The following CHD6 variants were observed in gnomAD, a reference collection of about 807,000 sequenced individuals.
CHD6 encodes chromodomain helicase DNA binding protein 6.
In CHD6, 50 loss-of-function variants were observed where a neutral mutation model predicts 276.9. The ratio of observed to expected loss-of-function variants is 0.18; its 90% CI spans 0.14 to 0.23. CHD6 has a LOEUF of 0.23. CHD6 is among the 10% of genes least tolerant of loss of function. The pLI is 1.00. For synonymous variants in CHD6, 1,173 were observed against 1,229.3 expected, an observed-to-expected ratio of 0.95 and a Z score of 0.96; for missense variants, 2,564 against 3,365.8, an observed-to-expected ratio of 0.76 and a Z score of 5.89.
chr20:41,537,247 T>G (rs552713674), intron 2 of CHD6, among the ~76,000 whole-genome samples: 2 of 152,274 alleles, frequency 1.3e-5, no homozygotes, highest in South Asian at 4.1e-4. Flanking sequence ...ATCCATGGGT[T>G]CTGCATCTAT....
intron 23 of CHD6, among the ~76,000 whole-genome samples, chr20:41,449,044 G>A (rs2048157197): frequency 6.6e-6 from 1 of 151,922 alleles, no homozygotes; most frequent in South Asian, 2.1e-4. Flanking sequence ...TGGGATTACA[G>A]GTGCCCACCA....
At chr20:41,601,709 T>TG (rs2045775177) in intron 1 of CHD6, among the ~76,000 whole-genome samples, 2 of 152,240 alleles carry the variant, frequency 1.3e-5, no homozygotes, top group African/African-American at 4.8e-5. Flanking sequence ...TACCTCCCTG[T>TG]GCCTCAGTTT....
intron 3 of CHD6, among the ~76,000 whole-genome samples, chr20:41,527,556 G>C (rs1187952932): frequency 6.6e-6 from 1 of 152,166 alleles, no homozygotes; most frequent in Non-Finnish European, 1.5e-5. Flanking sequence ...GAATCAGAAG[G>C]CTTCATACAC....
intron 3 of CHD6, among the ~76,000 whole-genome samples, chr20:41,515,400 A>T (rs1173615998): frequency 6.6e-6 from 1 of 152,130 alleles, no homozygotes; most frequent in Non-Finnish European, 1.5e-5. Flanking sequence ...AAATGAAGAG[A>T]ACACTGCCTC....
chr20:41,551,298 C>A lies in CHD6; in HGVS notation c.33+7G>T. ...TGCATTCACTTAAAAGAAAAGTGAT[C>A]ACTTACCTGCTTCTCTTTTTTCTGT... On this transcript the variant is annotated splice_region_variant and intron_variant, in intron 2 of 36. Coordinates refer to ENST00000373233, the MANE Select transcript of CHD6 (RefSeq NM_032221.5). 1.4e-6 allele frequency: 2 copies of A among 1,476,658 alleles called. No individual in the cohort carries two copies. Among genetic ancestry groups the A allele is most frequent in the Non-Finnish European group, 1.9e-6 (2 of 1,064,464 alleles). 91.5% of individuals were successfully genotyped at this position (1,476,658 alleles called of 1,614,324 possible). A position where few individuals can be genotyped will look rare whatever the true frequency, so the allele number is the denominator to read the frequency against.
At chr20:41,483,772 C>T (rs1165475617) in intron 15 of CHD6, among the ~76,000 whole-genome samples, 3 of 152,064 alleles carry the variant, frequency 2.0e-5, no homozygotes, top group African/African-American at 7.2e-5. Context: ...GATACCAAGT[C>T]CTAAGCTGAC....
chr20:41,409,113 G>A (rs2046768250), intron 36 of CHD6, among the ~76,000 whole-genome samples: 1 of 152,226 alleles, frequency 6.6e-6, no homozygotes, highest in Non-Finnish European at 1.5e-5. Context: ...CAGCAGAAAT[G>A]CCCCGAGGAT....
intron 26 of CHD6, among the ~76,000 whole-genome samples, chr20:41,439,447 C>CA (rs1373033183): frequency 3.3e-5 from 5 of 151,996 alleles, no homozygotes; most frequent in African/African-American, 1.2e-4. Flanking sequence ...GTATTTATGT[C>CA]AAGAGTAAAT....
intron 27 of CHD6, among the ~76,000 whole-genome samples, chr20:41,432,760 G>A (rs1411116318): frequency 6.6e-6 from 1 of 152,122 alleles, no homozygotes; most frequent in Non-Finnish European, 1.5e-5. Context: ...AGTGGCCAAT[G>A]CTGAGAGGAA....
At chr20:41,432,419 AG>A (rs2047574207) in intron 27 of CHD6, among the ~76,000 whole-genome samples, 1 of 152,168 alleles carries the variant, frequency 6.6e-6, no homozygotes, top group Non-Finnish European at 1.5e-5. Flanking sequence ...AAAGCTAAGC[AG>A]GAAGTCAGGA....
chr20:41,412,379 A>G lies in CHD6; in HGVS notation c.7132-116T>C, dbSNP rs1395756798. ...TCTCGTCAATGGTTGTCTGCACAGG[A>G]GCTGGCCAGGTTAAACTAAAGGAAA... On this transcript the variant is annotated intron_variant, in intron 35 of 36. Transcript: ENST00000373233. 1.3e-5 allele frequency: 16 copies of G among 1,223,658 alleles called. No homozygotes were observed. In the South Asian group the frequency reaches 2.0e-4, roughly 15 times the overall value. The allele number at this position is 1,223,658 out of a possible 1,614,324, so 75.8% of individuals were successfully genotyped here.
intron 5 of CHD6, among the ~76,000 whole-genome samples, chr20:41,500,219 C>T (rs1470930423): frequency 6.6e-6 from 1 of 152,072 alleles, no homozygotes; most frequent in African/African-American, 2.4e-5. Flanking sequence ...ATGAAACTGC[C>T]AAATTCGGTA....
intron 31 of CHD6, among the ~76,000 whole-genome samples, chr20:41,420,304 G>A (rs987139200): frequency 6.6e-6 from 1 of 152,152 alleles, no homozygotes. Context: ...TGCTATGATT[G>A]TCTATGATCT....
At chr20:41,479,824 C>T (rs2043255351) in intron 16 of CHD6, among the ~76,000 whole-genome samples, 1 of 152,132 alleles carries the variant, frequency 6.6e-6, no homozygotes, top group African/African-American at 2.4e-5. Context: ...GTATCCAGCA[C>T]CAATGAAGCA....
At chr20:41,610,690 G>A (rs1006023597) in intron 1 of CHD6, among the ~76,000 whole-genome samples, 9 of 152,016 alleles carry the variant, frequency 5.9e-5, no homozygotes, top group East Asian at 1.9e-4. Context: ...CCCAGGAGGC[G>A]GAGCTTGCAG....
chr20:41,492,450 T>A (rs2043577871), intron 10 of CHD6, among the ~76,000 whole-genome samples: 2 of 152,176 alleles, frequency 1.3e-5, no homozygotes, highest in African/African-American at 4.8e-5. Context: ...GGACCTAAGT[T>A]TAATGTTCCG....
At chr20:41,522,714 T>C (rs1462116549) in intron 3 of CHD6, among the ~76,000 whole-genome samples, 2 of 151,980 alleles carry the variant, frequency 1.3e-5, no homozygotes, top group East Asian at 1.9e-4. Flanking sequence ...TATAAGTATA[T>C]ATACATATAT....
At chr20:41,499,959 T>G (rs2043792253) in intron 5 of CHD6, among the ~76,000 whole-genome samples, 1 of 152,206 alleles carries the variant, frequency 6.6e-6, no homozygotes, top group African/African-American at 2.4e-5. Flanking sequence ...CTGATCATCC[T>G]TTGAACGTAA....
chr20:41,493,206 G>A (rs1326507582), intron 10 of CHD6, among the ~76,000 whole-genome samples: 2 of 152,090 alleles, frequency 1.3e-5, no homozygotes, highest in South Asian at 2.1e-4. Flanking sequence ...AAACAGGAAA[G>A]ATACTACTGA....
Sources: gnomAD v4.1 joint callset for allele counts (sites outside exome capture counted in the v4.1 genomes callset) on GRCh38, gnomAD v4.1.1 for gene constraint, MANE v1.5 for transcripts, NCBI Gene and HGNC (gene_info 2026-07-23, HGNC 2026-07-21) for gene names.